Variants in FHIT observed in about 807,000 individuals in gnomAD.
The protein encoded by FHIT is bis(5'-adenosyl)-triphosphatase.
A neutral mutation model predicts 17.9 loss-of-function variants in FHIT; 19 were observed. The observed-to-expected ratio is 1.06, with a 90% CI of 0.74 to 1.56. FHIT has a LOEUF of 1.56. Ranked by LOEUF, FHIT falls within the 40% of genes most tolerant of loss-of-function variation. The pLI is 0.00. For missense variants in FHIT, 248 were observed against 189.2 expected (o/e 1.31, Z -1.82); for synonymous variants, 81 against 69.7 (o/e 1.16, Z -0.81).
intron 3 of FHIT, among the ~76,000 whole-genome samples, chr3:60,869,117 T>C (rs1704287990): frequency 6.6e-6 from 1 of 152,092 alleles, no homozygotes; most frequent in East Asian, 1.9e-4. Flanking sequence ...GAAAATTTAA[T>C]GAAGATTTTG....
At chr3:60,944,954 T>G (rs1202334062) in intron 3 of FHIT, among the ~76,000 whole-genome samples, 2 of 152,168 alleles carry the variant, frequency 1.3e-5, no homozygotes, top group African/African-American at 2.4e-5. Context: ...CATAAGATAG[T>G]CAACTCTCCA....
chr3:59,829,458 T>A (rs1265546173), intron 8 of FHIT, among the ~76,000 whole-genome samples: 2 of 152,140 alleles, frequency 1.3e-5, no homozygotes, highest in African/African-American at 4.8e-5. Flanking sequence ...GGAGAAAACA[T>A]GTAAATCTCA....
At chr3:60,557,501 T>A (rs1329745221) in intron 4 of FHIT, among the ~76,000 whole-genome samples, 1 of 151,776 alleles carries the variant, frequency 6.6e-6, no homozygotes, top group African/African-American at 2.4e-5. Flanking sequence ...TCCATAGGTA[T>A]AAAGAGATTA....
intron 5 of FHIT, among the ~76,000 whole-genome samples, chr3:60,281,208 C>T (rs752833442): frequency 2.0e-5 from 3 of 151,954 alleles, no homozygotes; most frequent in Admixed American, 1.3e-4. Flanking sequence ...TCTAAATAAA[C>T]GAATAGATAT....
chr3:60,368,502 T>A (rs1700199164), intron 5 of FHIT, among the ~76,000 whole-genome samples: 1 of 152,028 alleles, frequency 6.6e-6, no homozygotes, highest in African/African-American at 2.4e-5. Context: ...TTGCCTTAAA[T>A]TGGGTTATTA....
intron 4 of FHIT, among the ~76,000 whole-genome samples, chr3:60,684,150 A>G (rs1553697743): frequency 6.6e-6 from 1 of 152,048 alleles, no homozygotes. Flanking sequence ...AGAAGCCCAA[A>G]ATTAAGATGT....
chr3:59,896,844 G>A (rs9836175), intron 8 of FHIT, among the ~76,000 whole-genome samples: 333 of 152,198 alleles, frequency 2.2e-3, no homozygotes, highest in African/African-American at 7.7e-3. Context: ...CATTACTGAC[G>A]AAATCTGGAA....
chr3:60,101,446 T>C (rs546337593), intron 5 of FHIT, among the ~76,000 whole-genome samples: 34 of 152,220 alleles, frequency 2.2e-4, no homozygotes, highest in Non-Finnish European at 4.7e-4. Context: ...AAGTTTCAGC[T>C]AAGTGTCACC....
chr3:60,737,174 T>C (rs1360413226), intron 4 of FHIT, among the ~76,000 whole-genome samples: 1 of 152,212 alleles, frequency 6.6e-6, no homozygotes, highest in Non-Finnish European at 1.5e-5. Flanking sequence ...CTTTCACAGC[T>C]GTATCAATCT....
chr3:60,352,486 C>T (rs1266718237), intron 5 of FHIT, among the ~76,000 whole-genome samples: 1 of 152,078 alleles, frequency 6.6e-6, no homozygotes, highest in African/African-American at 2.4e-5. Flanking sequence ...TATGCTTTTT[C>T]TAAAAGCATT....
At chr3:60,576,779 TG>T (rs36081877) in intron 4 of FHIT, among the ~76,000 whole-genome samples, 1 of 152,032 alleles carries the variant, frequency 6.6e-6, no homozygotes, top group Non-Finnish European at 1.5e-5. Flanking sequence ...AGAAAAGTAA[TG>T]GGAAAAGTGC....
At chr3:61,209,184 C>G (rs1421921278) in intron 1 of FHIT, among the ~76,000 whole-genome samples, 2 of 152,182 alleles carry the variant, frequency 1.3e-5, no homozygotes, top group African/African-American at 2.4e-5. Flanking sequence ...GCCGAGAGAT[C>G]CGCTGTTAGT....
chr3:60,498,141 G>C (rs1438929548), intron 5 of FHIT, among the ~76,000 whole-genome samples: 1 of 152,138 alleles, frequency 6.6e-6, no homozygotes, highest in African/African-American at 2.4e-5. Flanking sequence ...CCAAGCCATA[G>C]TTTCGCCAAC....
At chr3:59,871,133 C>T (rs537384682) in intron 8 of FHIT, among the ~76,000 whole-genome samples, 19 of 152,192 alleles carry the variant, frequency 1.2e-4, no homozygotes, top group South Asian at 4.2e-4. Flanking sequence ...GATCCTCCAG[C>T]GACATTTTGA....
In FHIT at chr3:60,728,129, T is replaced by C. The variant is rs536631660; in HGVS notation, c.-18+93790A>G. ...CAAAACTTTAAAATGCAGGACATAA[T>C]GTAAAAATTCTTCTACCAGCTCTAA... On this transcript the variant is annotated intron_variant, in intron 4 of 9. Coordinates refer to ENST00000492590, the MANE Select transcript of FHIT (RefSeq NM_002012.4). Among the ~76,000 whole-genome samples, 14 of 152,334 alleles carry C rather than the reference T, an allele frequency of 9.2e-5. No homozygotes were observed. The East Asian group carries it at 2.3e-3, about 25-fold the overall frequency.
intron 5 of FHIT, among the ~76,000 whole-genome samples, chr3:60,267,719 T>G (rs1426922035): frequency 6.6e-6 from 1 of 152,118 alleles, no homozygotes; most frequent in East Asian, 1.9e-4. Context: ...AATGATCAAT[T>G]CAAGTAAAAT....
At position 60,914,463 on chromosome 3, in the gene FHIT, G is replaced by C. The variant is rs541597760; in HGVS notation, c.-110-92452C>G. On this transcript the variant is annotated intron_variant, in intron 3 of 9. Transcript: ENST00000492590. ...GAAGGGGAGGAGAATGGCCATGGAA[G>C]GACGGTTGTGCAGTGAGTAAGACTT... 4.6e-5 allele frequency among the ~76,000 whole-genome samples: 7 copies of C among 152,016 alleles called. No homozygotes were observed. The East Asian group carries it at 1.2e-3, about 25-fold the overall frequency.
At chr3:60,514,565 G>A (rs772502718) in intron 5 of FHIT, among the ~76,000 whole-genome samples, 4 of 152,142 alleles carry the variant, frequency 2.6e-5, no homozygotes, top group Non-Finnish European at 4.4e-5. Context: ...GTGACGGGTT[G>A]GTAGATGCAG....
intron 7 of FHIT, among the ~76,000 whole-genome samples, chr3:60,009,209 GTGTGTGTGTGTGTGTGTGTGTA>G (rs1190068855): frequency 1.7e-4 from 24 of 143,326 alleles, no homozygotes; most frequent in African/African-American, 4.2e-4. Flanking sequence ...GTGTGTGTGT[GTGTGTGTGTGTGTGTGTGTGTA>G]TGGTGGTTTT....
Sources: gnomAD v4.1 joint callset for allele counts (sites outside exome capture counted in the v4.1 genomes callset) on GRCh38, gnomAD v4.1.1 for gene constraint, MANE v1.5 for transcripts, NCBI Gene and HGNC (gene_info 2026-07-23, HGNC 2026-07-21) for gene names.